The following NF1 variants were observed in gnomAD, a reference collection of about 807,000 sequenced individuals.
NF1 encodes neurofibromin.
A neutral mutation model predicts 325.7 loss-of-function variants in NF1; 122 were observed. That is an observed-to-expected ratio of 0.37 (90% confidence interval 0.32 to 0.44). NF1 has a LOEUF of 0.44. NF1 is among the 20% of genes least tolerant of loss of function. The pLI, the probability that NF1 is intolerant of heterozygous loss-of-function variation, is 1.00. For synonymous variants in NF1, 1,091 were observed against 1,186.0 expected, an observed-to-expected ratio of 0.92 and a Z score of 1.65; for missense variants, 2,140 against 3,415.4, an observed-to-expected ratio of 0.63 and a Z score of 9.31.
intron 1 of NF1, chr17:31,136,733 G>T (rs1915814247): frequency 6.6e-6 from 1 of 152,088 alleles, no homozygotes; most frequent in South Asian, 2.1e-4. Context: ...CTGGAATATT[G>T]TTATAATTGT....
At chr17:31,232,560 G>T (rs1597719162) in intron 25 of NF1, 140 bp from the exon 26 acceptor site, 1 of 809,634 alleles carries the variant, frequency 1.2e-6, no homozygotes, top group Non-Finnish European at 2.0e-6. Context: ...AGCCACCCTG[G>T]CTGATTATCG....
At chr17:31,305,668 G>T in intron 36 of NF1, 1 of 1,529,638 alleles carries the variant, frequency 6.5e-7, no homozygotes, top group Non-Finnish European at 8.8e-7. Flanking sequence ...AGACAGTTAG[G>T]CGTCATTGGT....
At chr17:31,262,752 T>C (rs183716679) in intron 35 of NF1, among the ~76,000 whole-genome samples, 2 of 152,318 alleles carry the variant, frequency 1.3e-5, no homozygotes, top group African/African-American at 4.8e-5. Flanking sequence ...TAGTGTCCTT[T>C]CCAAATTAAT....
intron 36 of NF1, among the ~76,000 whole-genome samples, chr17:31,275,098 A>G (rs538996158): frequency 2.0e-5 from 3 of 152,304 alleles, no homozygotes; most frequent in Admixed American, 2.0e-4. Context: ...TCCCAAACAA[A>G]CAATAGTCAA....
At chr17:31,274,743 GTAATA>G (rs1422451946) in intron 36 of NF1, among the ~76,000 whole-genome samples, 17 of 150,008 alleles carry the variant, frequency 1.1e-4, no homozygotes, top group Middle Eastern at 3.5e-3. Context: ...AATAGTAATA[GTAATA>G]GTAATAGTAA....
At chr17:31,122,285 A>G (rs1914498535) in intron 1 of NF1, among the ~76,000 whole-genome samples, 1 of 152,204 alleles carries the variant, frequency 6.6e-6, no homozygotes, top group Non-Finnish European at 1.5e-5. Context: ...TGATAGGGGT[A>G]AGGAGGAAAG....
chr17:31,374,185 CTT>C lies in NF1; in HGVS notation c.*31_*32del. 6.2e-7 allele frequency: 1 copy of C among 1,613,778 alleles called. No individual in the cohort carries two copies. Among genetic ancestry groups the C allele is most frequent in the South Asian group, 1.1e-5 (1 of 91,062 alleles). On this transcript the variant is annotated 3_prime_UTR_variant, in exon 58 of 58. Coordinates refer to ENST00000358273, the MANE Select transcript of NF1 (RefSeq NM_001042492.3). ...TGCTTGCTTTCTTTTTTAAAATCAA[CTT>C]AACATGGGCTCTTCACTAGTGACCC...
rs1060500372 is a variant in NF1 at position 31,349,158 on chromosome 17, G to C, written c.7228G>C (p.Val2410Leu). Reference sequence around the variant, plus strand: ...TTCACCTGCTATTGTTGCAAGAACAGTCAGAATTTTACATACACTACTAAC... The same window carrying C: ...TTCACCTGCTATTGTTGCAAGAACACTCAGAATTTTACATACACTACTAAC... Reference protein sequence around the residue: ...HPSPAIVARTVRILHTLLTLV... With the variant: ...HPSPAIVARTLRILHTLLTLV... Residue 2410 changes from valine (V) to leucine (L), a missense_variant, in exon 49 of 58, where the codon GTC becomes CTC. Coordinates refer to ENST00000358273, the MANE Select transcript of NF1 (RefSeq NM_001042492.3). The C allele has an allele frequency of 1.2e-6, 2 of 1,610,310 alleles. No individual in the cohort carries two copies.
intron 36 of NF1, chr17:31,307,744 TCTTAACA>T: frequency 2.1e-6 from 1 of 477,972 alleles, no homozygotes; most frequent in Non-Finnish European, 3.5e-6. Context: ...TTTGGTTATC[TCTTAACA>T]TTAGGGAATA....
At chr17:31,354,513 C>A (rs1449112327) in intron 51 of NF1, among the ~76,000 whole-genome samples, 2 of 152,158 alleles carry the variant, frequency 1.3e-5, no homozygotes, top group African/African-American at 4.8e-5. Flanking sequence ...ATCACACATT[C>A]AGCTGAGGTA....
intron 30 of NF1, chr17:31,252,734 T>C: frequency 1.8e-6 from 1 of 564,348 alleles, no homozygotes; most frequent in Non-Finnish European, 3.2e-6. Flanking sequence ...CATTTCTTGC[T>C]GTTTTAGTGC....
At chr17:31,316,510 T>C (rs1017355220) in intron 36 of NF1, among the ~76,000 whole-genome samples, 1 of 152,214 alleles carries the variant, frequency 6.6e-6, no homozygotes, top group Non-Finnish European at 1.5e-5. Flanking sequence ...TTCCTATTTT[T>C]ATGATGATAT....
rs568414793 is a variant in NF1 at position 31,242,924 on chromosome 17, A to AT, written c.3975-6060_3975-6059insT. 1.8e-4 allele frequency among the ~76,000 whole-genome samples: 28 copies of AT among 151,974 alleles called. No individual in the cohort carries two copies. The East Asian group carries it at 5.2e-3, about 28-fold the overall frequency. Reference sequence around the variant, plus strand: ...TTGTAGTCTGGGCTTGTTTGTACCCACCCTTCTGGGGAAGGCTTTCCAAGT... The same window carrying AT: ...TTGTAGTCTGGGCTTGTTTGTACCCATCCCTTCTGGGGAAGGCTTTCCAAGT... On this transcript the variant is annotated intron_variant, in intron 29 of 57. Coordinates refer to ENST00000358273, the MANE Select transcript of NF1 (RefSeq NM_001042492.3).
intron 13 of NF1, 107 bp downstream of exon 13, chr17:31,214,692 G>A: frequency 3.2e-6 from 3 of 947,772 alleles, no homozygotes; most frequent in South Asian, 3.1e-5. Flanking sequence ...AGCACTTACT[G>A]ATCCTTTCTG....
At chr17:31,367,181 T>C (rs755633253) in intron 57 of NF1, 61 of 1,199,614 alleles carry the variant, frequency 5.1e-5, no homozygotes, top group South Asian at 1.2e-4. Flanking sequence ...TTAAATCTTA[T>C]GAACATCACT....
At chr17:31,342,881 T>C in intron 47 of NF1, 128 bp from the exon 48 acceptor site, 1 of 1,211,914 alleles carries the variant, frequency 8.3e-7, no homozygotes, top group East Asian at 2.3e-5. Flanking sequence ...TGCAGTCAAC[T>C]GAAAATAATT....
chr17:31,146,459 C>A (rs1025402267), intron 1 of NF1, among the ~76,000 whole-genome samples: 4 of 144,966 alleles, frequency 2.8e-5, no homozygotes, highest in Non-Finnish European at 4.5e-5. Flanking sequence ...ATCCATCCAT[C>A]CAATCTGTAT....
At chr17:31,108,988 A>G (rs1426345032) in intron 1 of NF1, among the ~76,000 whole-genome samples, 1 of 152,226 alleles carries the variant, frequency 6.6e-6, no homozygotes, top group African/African-American at 2.4e-5. Context: ...CTCAAAAGCA[A>G]AAGTGCTTTA....
chr17:31,198,802 G>C (rs2066478048), intron 8 of NF1, among the ~76,000 whole-genome samples: 1 of 151,882 alleles, frequency 6.6e-6, no homozygotes, highest in Admixed American at 6.6e-5. Flanking sequence ...CTTTACAGTA[G>C]AGATGGGGGT....
Sources: allele counts gnomAD v4.1 joint callset (sites outside exome capture counted in the v4.1 genomes callset), GRCh38; gene constraint gnomAD v4.1.1; transcripts MANE v1.5; gene names NCBI Gene and HGNC (gene_info 2026-07-23, HGNC 2026-07-21).